Variants in PROS1 observed in about 807,000 individuals in gnomAD.
PROS1 encodes the protein protein S, also known as vitamin K-dependent protein S.
Under a neutral mutation model 75.9 loss-of-function variants are expected in PROS1, and 29 were observed. The ratio of observed to expected loss-of-function variants is 0.38; its 90% CI spans 0.28 to 0.52. The LOEUF (loss-of-function observed/expected upper bound fraction) is 0.52. Among genes scored for constraint, PROS1 ranks in the 20% least tolerant of loss-of-function variants. The pLI, the probability that PROS1 is intolerant of heterozygous loss-of-function variation, is 0.83. For missense variants in PROS1, 680 were observed against 810.3 expected, an observed-to-expected ratio of 0.84 and a Z score of 1.95; for synonymous variants, 245 against 280.6, an observed-to-expected ratio of 0.87 and a Z score of 1.27.
chr3:93,922,268 T>G (rs928043016), intron 3 of PROS1, among the ~76,000 whole-genome samples: 24 of 152,182 alleles, frequency 1.6e-4, no homozygotes, highest in African/African-American at 2.4e-5. Context: ...CTTATTTTAT[T>G]TTTTGCCAGC....
At chr3:93,962,189 G>C (rs1286240646) in intron 1 of PROS1, among the ~76,000 whole-genome samples, 4 of 152,016 alleles carry the variant, frequency 2.6e-5, no homozygotes, top group Non-Finnish European at 4.4e-5. Context: ...TTACTCACCT[G>C]AACAAAAACT....
intron 10 of PROS1, among the ~76,000 whole-genome samples, chr3:93,888,554 T>C (rs1708384056): frequency 6.6e-6 from 1 of 152,218 alleles, no homozygotes; most frequent in African/African-American, 2.4e-5. Context: ...TTGGATGAGA[T>C]AGTGTTTGGA....
chr3:93,878,898 C>G (rs1396844761), intron 13 of PROS1, among the ~76,000 whole-genome samples: 1 of 152,030 alleles, frequency 6.6e-6, no homozygotes, highest in Non-Finnish European at 1.5e-5. Flanking sequence ...TGAGAGTCTG[C>G]CTAATCTTAG....
intron 12 of PROS1, among the ~76,000 whole-genome samples, chr3:93,881,043 G>A (rs1311660917): frequency 2.0e-5 from 3 of 152,110 alleles, no homozygotes; most frequent in Non-Finnish European, 4.4e-5. Flanking sequence ...CAGTAAAAAA[G>A]GCTGGGCACA....
chr3:93,903,002 G>C (rs974964608), intron 6 of PROS1, among the ~76,000 whole-genome samples: 4 of 151,848 alleles, frequency 2.6e-5, no homozygotes, highest in Non-Finnish European at 5.9e-5. Context: ...GAGTAGCTGG[G>C]ACTACAGGCA....
rs767111351 is a variant in PROS1, at chr3:93,906,005, G to C, written c.469+16C>G. The C allele has an allele frequency of 6.2e-7, 1 of 1,613,830 alleles. No individual in the cohort carries two copies. The highest frequency in any genetic ancestry group is 1.1e-5 in the South Asian group (1 of 91,060). ...CCAATCCTGATGAGCTGGGGGGCGG[G>C]GGTTATTATACGTACCAAATTCACA... On this transcript the variant is annotated intron_variant, in intron 5 of 14. Coordinates refer to ENST00000394236, the MANE Select transcript of PROS1 (RefSeq NM_000313.4).
At chr3:93,886,150 A>G (rs994270126) in intron 11 of PROS1, among the ~76,000 whole-genome samples, 186 bp downstream of exon 11, 6 of 152,104 alleles carry the variant, frequency 3.9e-5, no homozygotes, top group African/African-American at 1.4e-4. Context: ...CCACTACGTC[A>G]TTTTTTTATT....
intron 1 of PROS1, among the ~76,000 whole-genome samples, chr3:93,943,736 A>G (rs1709332146): frequency 2.0e-5 from 3 of 152,218 alleles, no homozygotes; most frequent in Non-Finnish European, 4.4e-5. Context: ...ACCTGCACAT[A>G]TAGAATCAGA....
intron 14 of PROS1, among the ~76,000 whole-genome samples, chr3:93,875,663 TATCTATCTATCTATC>T (rs879283965): frequency 2.7e-3 from 370 of 135,244 alleles, no homozygotes; most frequent in Non-Finnish European, 4.7e-3. Flanking sequence ...TCTATCTATC[TATCTATCTATCTATC>T]ATCTATCTAT....
chr3:93,936,299 G>A (rs1454610649), intron 1 of PROS1, among the ~76,000 whole-genome samples: 2 of 152,072 alleles, frequency 1.3e-5, no homozygotes, highest in African/African-American at 2.4e-5. Context: ...AAAACTAACT[G>A]TTGTTTGCTA....
intron 10 of PROS1, among the ~76,000 whole-genome samples, chr3:93,888,793 T>G (rs916974957): frequency 6.6e-6 from 1 of 152,158 alleles, no homozygotes; most frequent in Non-Finnish European, 1.5e-5. Context: ...ATTCTCCACT[T>G]CTGGTTTCCA....
At chr3:93,960,613 G>C (rs563526417) in intron 1 of PROS1, among the ~76,000 whole-genome samples, 1 of 122,534 alleles carries the variant, frequency 8.2e-6, no homozygotes, top group South Asian at 2.7e-4. Context: ...AAAGATGAAA[G>C]AGATTTATGC....
intron 1 of PROS1, among the ~76,000 whole-genome samples, chr3:93,960,606 G>A (rs1302732056): frequency 2.5e-5 from 3 of 118,232 alleles, no homozygotes; most frequent in African/African-American, 9.9e-5. Context: ...TATAACTAAA[G>A]ATGAAAGAGA....
chr3:93,950,429 T>TC (rs1403075891), intron 1 of PROS1, among the ~76,000 whole-genome samples: 1 of 152,140 alleles, frequency 6.6e-6, no homozygotes, highest in Non-Finnish European at 1.5e-5. Flanking sequence ...GGGAGACATC[T>TC]CCCAGTAGTG....
intron 9 of PROS1, 87 bp from the exon 10 acceptor site, chr3:93,893,209 G>A (rs1352935988): frequency 3.4e-6 from 4 of 1,178,670 alleles, no homozygotes; most frequent in Non-Finnish European, 3.7e-6. Context: ...CTGACAAACA[G>A]TAACACAGAC....
intron 1 of PROS1, among the ~76,000 whole-genome samples, chr3:93,970,597 C>T (rs1709864079): frequency 6.6e-6 from 1 of 152,096 alleles, no homozygotes; most frequent in East Asian, 1.9e-4. Flanking sequence ...TCCTCCTCAG[C>T]CTCCCAAAGT....
chr3:93,910,901 T>A, intron 3 of PROS1, 196 bp from the exon 4 acceptor site: 1 of 571,880 alleles, frequency 1.7e-6, no homozygotes, highest in South Asian at 2.1e-5. Flanking sequence ...TGGCAACAGA[T>A]ACAGAAACAT....
Position 93,965,369 on chromosome 3 carries a change from G to A in PROS1, c.76+8305C>T, listed in dbSNP as rs565979449. 3.2e-4 allele frequency among the ~76,000 whole-genome samples: 49 copies of A among 152,282 alleles called. 1 individual carries two copies. The highest frequency in any genetic ancestry group is 1.1e-3 in the African/African-American group (47 of 41,556). On this transcript the variant is annotated intron_variant, in intron 1 of 14. Transcript: ENST00000394236. ...CGCTGTGCTCCTGATCCAGCGAGGC[G>A]CCCATTGCCGCTCCTGATCTGGCTA... is the stretch of plus-strand genomic sequence containing the variant.
intron 1 of PROS1, among the ~76,000 whole-genome samples, chr3:93,949,809 G>C (rs1030323181): frequency 3.9e-5 from 6 of 152,190 alleles, no homozygotes; most frequent in African/African-American, 1.4e-4. Flanking sequence ...TCCAACTGAG[G>C]TACCGGGTTC....
Sources: gnomAD v4.1 joint callset for allele counts (sites outside exome capture counted in the v4.1 genomes callset) on GRCh38, gnomAD v4.1.1 for gene constraint, MANE v1.5 for transcripts, NCBI Gene and HGNC (gene_info 2026-07-23, HGNC 2026-07-21) for gene names.